Variants in CNIH2 observed in about 807,000 individuals in gnomAD.
CNIH2 encodes the protein cornichon family AMPA receptor auxiliary protein 2, also known as protein cornichon homolog 2.
In CNIH2, 8 loss-of-function variants were observed where a neutral mutation model predicts 22.9. That is an observed-to-expected ratio of 0.35 (90% CI 0.20 to 0.63). The LOEUF is 0.63. Ranked by LOEUF, CNIH2 falls within the 30% of genes least tolerant of loss-of-function variation. The probability of loss-of-function intolerance (pLI) is 0.72; values close to 1 mark genes in which losing one functional copy is unlikely to be tolerated. For missense variants in CNIH2, 105 were observed against 206.2 expected, an observed-to-expected ratio of 0.51 and a Z score of 3.01; for synonymous variants, 74 against 78.2, an observed-to-expected ratio of 0.95 and a Z score of 0.28.
In CNIH2 at chr11:66,282,429, G is replaced by A. The variant is rs1401731831; in HGVS notation, c.150+102G>A. Reference sequence around the variant, plus strand: ...CGGGAAGACGGGGGTGGGGTGGGGGGCCTACGGCCATGCCCCCTTCCTCTC... The same window carrying A: ...CGGGAAGACGGGGGTGGGGTGGGGGACCTACGGCCATGCCCCCTTCCTCTC... On this transcript the variant is annotated intron_variant, in intron 2 of 5. Coordinates refer to ENST00000311445, the MANE Select transcript of CNIH2 (RefSeq NM_182553.3). The A allele has an allele frequency of 1.5e-5, 7 of 479,532 alleles. No individual in the cohort carries two copies. The East Asian group carries it at 4.0e-4, about 28-fold the overall frequency. The allele number at this position is 479,532 out of a possible 1,614,324, so 29.7% of individuals were successfully genotyped here.
chr11:66,282,177 C>T lies in CNIH2; in HGVS notation c.82-82C>T. 2.4e-6 allele frequency: 3 copies of T among 1,266,020 alleles called. 1 individual carries two copies. The highest frequency in any genetic ancestry group is 3.5e-6 in the Non-Finnish European group (3 of 864,058). 78.4% of individuals were successfully genotyped at this position (1,266,020 alleles called of 1,614,324 possible). A position where few individuals can be genotyped will look rare whatever the true frequency, so the allele number is the denominator to read the frequency against. On this transcript the variant is annotated intron_variant, in intron 1 of 5. Coordinates refer to ENST00000311445, the MANE Select transcript of CNIH2 (RefSeq NM_182553.3). ...CAAGCTCCACCTGGCTGGTCCTCTTCAGTAAACTATCCCACAGAAGGACTT... is the reference window on the plus strand; with the variant it reads ...CAAGCTCCACCTGGCTGGTCCTCTTTAGTAAACTATCCCACAGAAGGACTT...
chr11:66,282,167 T>A (rs1857267051), intron 1 of CNIH2, 92 bp from the exon 2 acceptor site: 1 of 1,126,024 alleles, frequency 8.9e-7, no homozygotes, highest in East Asian at 2.4e-5. Flanking sequence ...TCCACCTGGC[T>A]GGTCCTCTTC....
intron 1 of CNIH2, chr11:66,281,571 TAAAG>T (rs917093754): frequency 4.6e-6 from 2 of 437,388 alleles, no homozygotes; most frequent in Non-Finnish European, 9.3e-6. Context: ...ATTTTTGTGT[TAAAG>T]TAAGTCCAAA....
chr11:66,278,436 CCGCCGCCCGG>C lies in CNIH2; in HGVS notation c.-17_-8del. The stretch of plus-strand genomic sequence containing the variant: ...GGGCCCCGCGCTGGCGCCCCCCGGG[CCGCCGCCCGG>C]CGCGGGGGCCATGGCGTTCACCTTC... On this transcript the variant is annotated 5_prime_UTR_variant, in exon 1 of 6. Coordinates refer to ENST00000311445, the MANE Select transcript of CNIH2 (RefSeq NM_182553.3). 1 of 1,201,028 alleles carries C rather than the reference CCGCCGCCCGG, an allele frequency of 8.3e-7. No homozygotes were observed. Among genetic ancestry groups the C allele is most frequent in the Non-Finnish European group, 1.0e-6 (1 of 957,246 alleles). 74.4% of individuals were successfully genotyped at this position (1,201,028 alleles called of 1,614,324 possible).
chr11:66,278,514 C>A lies in CNIH2; in HGVS notation c.58C>A (p.Leu20Ile), dbSNP rs1467057279. ...YMLTLVLCAS[L>I]IFFVIWHIIA... ...GCTCACCCTGGTGCTGTGCGCCTCC[C>A]TCATCTTCTTTGTCATCTGGCACGT... The change falls in exon 1 of 6, where the codon CTC becomes ATC. Residue 20 changes from leucine (L) to isoleucine (I), a missense_variant. Transcript: ENST00000311445. 6.5e-7 allele frequency: 1 copy of A among 1,550,374 alleles called. No homozygotes were observed. Among genetic ancestry groups the A allele is most frequent in the South Asian group, 1.2e-5 (1 of 85,814 alleles).
intron 3 of CNIH2, 23 bp downstream of exon 3, chr11:66,282,803 G>C: frequency 6.2e-7 from 1 of 1,602,878 alleles, no homozygotes; most frequent in South Asian, 1.1e-5. Flanking sequence ...GCTGGGGGCA[G>C]GAGGCTCCTA....
At chr11:66,283,489 G>A (rs2134882679) in intron 5 of CNIH2, 81 bp from the exon 6 acceptor site, 1 of 1,609,404 alleles carries the variant, frequency 6.2e-7, no homozygotes, top group African/African-American at 1.3e-5. Flanking sequence ...GAGGACTGAG[G>A]GCAGCCCAGG....
chr11:66,278,814 G>A (rs886166612), intron 1 of CNIH2, among the ~76,000 whole-genome samples: 3 of 150,848 alleles, frequency 2.0e-5, no homozygotes, highest in African/African-American at 7.3e-5. Context: ...CCGTGAGGTG[G>A]GGGGTGGAAT....
chr11:66,283,337 A>T lies in CNIH2; in HGVS notation c.401A>T (p.Glu134Val). The T allele has an allele frequency of 6.2e-7, 1 of 1,614,142 alleles. No individual in the cohort carries two copies. Among genetic ancestry groups the T allele is most frequent in the Admixed American group, 1.7e-5 (1 of 60,016 alleles). Residue 134 changes from glutamate to valine, a missense_variant, in exon 5 of 6, where the codon GAG (glutamate) becomes GTG (valine). Glu to Val is a moderately radical substitution (Grantham distance 121). Transcript: ENST00000311445. ...GACATTCTCAACTACTGCCAGAAGG[A>T]GTCCTGGTGCAAACTTGCCTTCTAC... ...NADILNYCQK[E>V]SWCKLAFYLL...
At chr11:66,278,915 G>GCC (rs776355321) in intron 1 of CNIH2, among the ~76,000 whole-genome samples, 89 of 30,090 alleles carry the variant, frequency 3.0e-3, no homozygotes, top group East Asian at 0.017. Context: ...TCTGTCTGCT[G>GCC]CCCCCCCCCC....
intron 1 of CNIH2, among the ~76,000 whole-genome samples, chr11:66,279,814 C>T (rs533034449): frequency 7.2e-5 from 11 of 152,220 alleles, no homozygotes; most frequent in Non-Finnish European, 1.6e-4. Flanking sequence ...AAAGGCACCT[C>T]AGCACACACC....
rs1266044091 is a variant in CNIH2 at position 66,283,097 on chromosome 11, G to A, written c.261G>A (p.Glu87=). 2 of 1,613,928 alleles carry A rather than the reference G, an allele frequency of 1.2e-6. No homozygotes were observed. ...LFCLMFLCAA[E]WVTLGLNIPL... ...GTCTGATGTTTCTGTGTGCAGCAGA[G>A]TGGGTGACCCTGGGCCTCAACATCC... Residue 87 remains glutamate, a synonymous_variant, in exon 4 of 6, where the codon GAG becomes GAA. Transcript: ENST00000311445.
chr11:66,278,547 G>T lies in CNIH2; in HGVS notation c.81+10G>T. ...CTTTGTCATCTGGCACGTAAGGCCG[G>T]GCTGGGGCTGGGGCTGGGGGCGGGG... On this transcript the variant is annotated intron_variant, in intron 1 of 5. Coordinates refer to ENST00000311445, the MANE Select transcript of CNIH2 (RefSeq NM_182553.3). 7.7e-7 allele frequency: 1 copy of T among 1,302,484 alleles called. No individual in the cohort carries two copies. The highest frequency in any genetic ancestry group is 2.7e-5 in the Admixed American group (1 of 36,800). The allele number at this position is 1,302,484 out of a possible 1,614,324, so 80.7% of individuals were successfully genotyped here.
intron 1 of CNIH2, 149 bp from the exon 2 acceptor site, chr11:66,282,110 G>A (rs1857266291): frequency 1.4e-6 from 1 of 709,114 alleles, no homozygotes; most frequent in East Asian, 2.7e-5. Context: ...CCTTGGACCA[G>A]GCCCTGCTCC....
rs1386041072 is a variant in CNIH2 at position 66,278,211 on chromosome 11, C to G, written c.-246C>G. ...TTCGCGGGCTGGAGAGCGAGGGAGC[C>G]GCGGGCGAGGGATCGCAGGATGAGC... On this transcript the variant is annotated 5_prime_UTR_variant, in exon 1 of 6. Coordinates refer to ENST00000311445, the MANE Select transcript of CNIH2 (RefSeq NM_182553.3). 3 of 147,982 alleles carry G rather than the reference C, an allele frequency of 2.0e-5. No individual in the cohort carries two copies. 9.2% of individuals were successfully genotyped at this position (147,982 alleles called of 1,614,324 possible). A position where few individuals can be genotyped will look rare whatever the true frequency, so the allele number is the denominator to read the frequency against.
Position 66,283,137 on chromosome 11 carries a change from C to A in CNIH2, c.301C>A (p.His101Asn). ...CCTCAACATCCCCCTCCTCTTCTACCACCTCTGGAGGTGAGGGTAGCAGCT... is the reference window on the plus strand; with the variant it reads ...CCTCAACATCCCCCTCCTCTTCTACAACCTCTGGAGGTGAGGGTAGCAGCT... ...LGLNIPLLFY[H>N]LWRYFHRPAD... Residue 101 changes from histidine (H) to asparagine (N), a missense_variant, in exon 4 of 6, where the codon CAC (histidine) becomes AAC (asparagine). Coordinates refer to ENST00000311445, the MANE Select transcript of CNIH2 (RefSeq NM_182553.3). 1 of 1,613,840 alleles carries A rather than the reference C, an allele frequency of 6.2e-7. No individual in the cohort carries two copies.
At chr11:66,281,824 AC>A (rs1397426231) in intron 1 of CNIH2, among the ~76,000 whole-genome samples, 1 of 149,950 alleles carries the variant, frequency 6.7e-6, no homozygotes, top group East Asian at 2.0e-4. Flanking sequence ...GAACTCCCTC[AC>A]CCCCCACACA....
chr11:66,278,921 C>CCCG (rs1857213007), intron 1 of CNIH2, among the ~76,000 whole-genome samples: 1 of 99,922 alleles, frequency 1.0e-5, no homozygotes, highest in Non-Finnish European at 2.3e-5. Context: ...TGCTGCCCCC[C>CCCG]CCCCCCCGCC....
At chr11:66,282,429 G>GGGGGGGGGGGGGGGGGGGGGGGGCC in intron 2 of CNIH2, 102 bp downstream of exon 2, 7 of 479,448 alleles carry the variant, frequency 1.5e-5, no homozygotes, top group African/African-American at 2.0e-5. Context: ...GGGGTGGGGG[G>GGGGGGGGGGGGGGGGGGGGGGGGCC]CCTACGGCCA....
Sources: gnomAD v4.1 joint callset for allele counts (sites outside exome capture counted in the v4.1 genomes callset) on GRCh38, gnomAD v4.1.1 for gene constraint, MANE v1.5 for transcripts, NCBI Gene and HGNC (gene_info 2026-07-23, HGNC 2026-07-21) for gene names.